ST3GAL1: variants seen among roughly 807,000 people sequenced by gnomAD.
The protein encoded by ST3GAL1 is CMP-N-acetylneuraminate-beta-galactosamide-alpha-2,3-sialyltransferase 1.
A neutral mutation model predicts 34.1 loss-of-function variants in ST3GAL1; 16 were observed. The ratio of observed to expected loss-of-function variants is 0.47; its 90% CI spans 0.32 to 0.71. The LOEUF (loss-of-function observed/expected upper bound fraction) is 0.71, where lower values mean the gene tolerates loss of function less well. Among genes scored for constraint, ST3GAL1 ranks in the 30% least tolerant of loss-of-function variants. ST3GAL1 has a pLI of 0.04. For synonymous variants in ST3GAL1, 191 were observed against 184.7 expected, an observed-to-expected ratio of 1.03 and a Z score of -0.28; for missense variants, 353 against 447.4, an observed-to-expected ratio of 0.79 and a Z score of 1.90.
chr8:133,531,647 A>T (rs903353188), intron 2 of ST3GAL1, among the ~76,000 whole-genome samples: 1 of 151,792 alleles, frequency 6.6e-6, no homozygotes, highest in African/African-American at 2.4e-5. Flanking sequence ...AACAACACAC[A>T]CCAGGGCCAG....
chr8:133,571,271 C>A lies in ST3GAL1; in HGVS notation c.-582+422G>T, dbSNP rs898900149. Among the ~76,000 whole-genome samples, 1 of 152,194 alleles carries A rather than the reference C, an allele frequency of 6.6e-6. No individual in the cohort carries two copies. Among genetic ancestry groups the A allele is most frequent in the East Asian group, 1.9e-4 (1 of 5,164 alleles). On this transcript the variant is annotated intron_variant, in intron 1 of 9. Transcript: ENST00000522652. The surrounding 1 kb of genome is among the most constrained non-coding windows in gnomAD (Gnocchi z 6.7). ...ACCCAGCGAGGTCTCCTCCCACGGG[C>A]GGCCCCAGCGGAGGAGATCCCAGCC...
At chr8:133,474,867 G>A (rs904345710) in intron 5 of ST3GAL1, among the ~76,000 whole-genome samples, 1 of 152,166 alleles carries the variant, frequency 6.6e-6, no homozygotes, top group Non-Finnish European at 1.5e-5. Flanking sequence ...GCACTTCTGT[G>A]TGAGCCTACC....
chr8:133,488,955 G>T (rs1563709531), intron 3 of ST3GAL1, among the ~76,000 whole-genome samples: 1 of 152,334 alleles, frequency 6.6e-6, no homozygotes, highest in East Asian at 1.9e-4. Context: ...AGGCCAGAGG[G>T]AGAGAGGGAA....
At chr8:133,545,055 A>G (rs951359817) in intron 2 of ST3GAL1, among the ~76,000 whole-genome samples, 9 of 152,238 alleles carry the variant, frequency 5.9e-5, no homozygotes, top group African/African-American at 1.9e-4. Context: ...GGGTACCCAT[A>G]AGCAACATGT....
chr8:133,473,902 C>T (rs1337948964), intron 5 of ST3GAL1, among the ~76,000 whole-genome samples: 1 of 152,182 alleles, frequency 6.6e-6, no homozygotes, highest in Non-Finnish European at 1.5e-5. Context: ...TAATCCTTAC[C>T]ATGCCTGGCT....
Position 133,459,912 on chromosome 8 carries a change from T to C in ST3GAL1, c.875A>G (p.Asp292Gly), listed in dbSNP as rs1286175173. 6.2e-7 allele frequency: 1 copy of C among 1,613,328 alleles called. No individual in the cohort carries two copies. Among genetic ancestry groups the C allele is most frequent in the Admixed American group, 1.7e-5 (1 of 59,926 alleles). Residue 292 changes from aspartate (D) to glycine (G), a missense_variant, in exon 10 of 10, where the codon GAC (aspartate) becomes GGC (glycine). Coordinates refer to ENST00000522652, the MANE Select transcript of ST3GAL1 (RefSeq NM_173344.3). This position sits in a 1 kb window ranked among gnomAD's most constrained non-coding sequence, Gnocchi z 4.7. ...GTAGTGGTGCCAGTTCCCTTTGCTG[T>C]CTGCCCCGAAGCCGTACAAGTCCAC... is the stretch of plus-strand genomic sequence containing the variant. ...DEVDLYGFGA[D>G]SKGNWHHYWE...
chr8:133,568,128 G>A (rs1219488099), intron 1 of ST3GAL1, among the ~76,000 whole-genome samples: 1 of 151,978 alleles, frequency 6.6e-6, no homozygotes, highest in Non-Finnish European at 1.5e-5. Flanking sequence ...CACCACATTG[G>A]CCAGCTGGTC....
chr8:133,556,838 T>C lies in ST3GAL1; in HGVS notation c.-581-10912A>G, dbSNP rs1216704403. Among the ~76,000 whole-genome samples, 2 of 152,150 alleles carry C rather than the reference T, an allele frequency of 1.3e-5. No homozygotes were observed. Among genetic ancestry groups the C allele is most frequent in the African/African-American group, 4.8e-5 (2 of 41,422 alleles). ...GTGGAGGGGGGACATTTTGTTCTTTTGGCCTCTTAGATGATAAAACTAAGT... is the reference window on the plus strand; with the variant it reads ...GTGGAGGGGGGACATTTTGTTCTTTCGGCCTCTTAGATGATAAAACTAAGT... On this transcript the variant is annotated intron_variant, in intron 1 of 9. Coordinates refer to ENST00000522652, the MANE Select transcript of ST3GAL1 (RefSeq NM_173344.3). This position sits in a 1 kb window ranked among gnomAD's most constrained non-coding sequence, Gnocchi z 8.9.
At chr8:133,502,426 TA>T (rs57572575) in intron 2 of ST3GAL1, among the ~76,000 whole-genome samples, 88 of 140,580 alleles carry the variant, frequency 6.3e-4, no homozygotes, top group Non-Finnish European at 6.8e-4. Context: ...GATGTCCTTA[TA>T]AAAAAAAAAA....
At position 133,461,563 on chromosome 8, in the gene ST3GAL1, A is replaced by G. The variant is rs996110294; in HGVS notation, c.849+312T>C. Among the ~76,000 whole-genome samples, 7 of 152,128 alleles carry G rather than the reference A, an allele frequency of 4.6e-5. No individual in the cohort carries two copies. Among genetic ancestry groups the G allele is most frequent in the African/African-American group, 1.4e-4 (6 of 41,394 alleles). On this transcript the variant is annotated intron_variant, in intron 9 of 9. Coordinates refer to ENST00000522652, the MANE Select transcript of ST3GAL1 (RefSeq NM_173344.3). This position sits in a 1 kb window ranked among gnomAD's most constrained non-coding sequence, Gnocchi z 4.7. ...GTGGGATTGAGAACTGTGGCCTTAG[A>G]CAACTCTCGCTATGAGAATCCGCTT...
intron 2 of ST3GAL1, among the ~76,000 whole-genome samples, chr8:133,499,855 C>T (rs1215594237): frequency 6.6e-6 from 1 of 152,132 alleles, no homozygotes; most frequent in Non-Finnish European, 1.5e-5. Flanking sequence ...CCACCCCCAT[C>T]CCCAGGGAAG....
intron 2 of ST3GAL1, among the ~76,000 whole-genome samples, chr8:133,536,972 A>C (rs1291165534): frequency 2.0e-5 from 3 of 152,000 alleles, no homozygotes; most frequent in African/African-American, 7.3e-5. Flanking sequence ...CCTCCAATTT[A>C]ATTCTGACAC....
chr8:133,531,289 C>T (rs1818144399), intron 2 of ST3GAL1, among the ~76,000 whole-genome samples: 1 of 151,942 alleles, frequency 6.6e-6, no homozygotes, highest in Non-Finnish European at 1.5e-5. Context: ...AGTATATATA[C>T]ATTATGTATG....
rs1816189546 is a variant in ST3GAL1 at position 133,476,590 on chromosome 8, TTGTC to T, written c.-367_-364del. On this transcript the variant is annotated 5_prime_UTR_variant, in exon 4 of 10. It removes the in-frame stop codon of an upstream open reading frame in the 5' UTR. Coordinates refer to ENST00000522652, the MANE Select transcript of ST3GAL1 (RefSeq NM_173344.3). ...ACCAGCTTGATGAAGGCACAGAAGG[TTGTC>T]TGTCATCTGCAAAGAAAAGGAGGAA... The T allele has an allele frequency of 6.6e-6, 1 of 152,152 alleles. No individual in the cohort carries two copies. Among genetic ancestry groups the T allele is most frequent in the South Asian group, 2.1e-4 (1 of 4,824 alleles). The allele number at this position is 152,152 out of a possible 1,614,324, so 9.4% of individuals were successfully genotyped here.
intron 1 of ST3GAL1, among the ~76,000 whole-genome samples, chr8:133,569,131 T>C (rs1355817212): frequency 1.3e-5 from 2 of 152,178 alleles, no homozygotes; most frequent in Non-Finnish European, 2.9e-5. Flanking sequence ...TGGGGTGCTG[T>C]GGCCTCCCAG....
rs34844235 is a variant in ST3GAL1, at chr8:133,456,965, C to G, written c.*2799G>C. On this transcript the variant is annotated 3_prime_UTR_variant, in exon 10 of 10. Transcript: ENST00000522652. ...CAGTTCACGACTGCCCGTCACTTCC[C>G]TCCTTCACACTGCACCAGGAAAAGG... The G allele has an allele frequency of 0.17, 25,328 of 152,372 alleles. 2,674 individuals are homozygous for G. The highest frequency in any genetic ancestry group is 0.53 in the East Asian group (2,733 of 5,166). 9.4% of individuals were successfully genotyped at this position (152,372 alleles called of 1,614,324 possible). A position where few individuals can be genotyped will look rare whatever the true frequency, so the allele number is the denominator to read the frequency against.
chr8:133,551,536 GAGAAGGAAAGAAAGAA>G (rs1158991525), intron 1 of ST3GAL1, among the ~76,000 whole-genome samples: 6 of 116,064 alleles, frequency 5.2e-5, no homozygotes, highest in Admixed American at 9.4e-5. Flanking sequence ...GAGAAAGAAA[GAGAAGGAAAGAAAGAA>G]AGAAAGAAAG....
intron 2 of ST3GAL1, among the ~76,000 whole-genome samples, chr8:133,513,856 G>A (rs939175965): frequency 4.6e-4 from 70 of 151,442 alleles, no homozygotes; most frequent in Non-Finnish European, 2.9e-5. Flanking sequence ...CTGAGATTAC[G>A]CCATTGCACT....
rs868233481 is a variant in ST3GAL1, at chr8:133,570,104, T to A, written c.-582+1589A>T. 1 of 152,336 alleles carries A rather than the reference T, an allele frequency of 6.6e-6. No homozygotes were observed. Among genetic ancestry groups the A allele is most frequent in the Non-Finnish European group, 1.5e-5 (1 of 68,168 alleles). 9.4% of individuals were successfully genotyped at this position (152,336 alleles called of 1,614,324 possible). A position where few individuals can be genotyped will look rare whatever the true frequency, so the allele number is the denominator to read the frequency against. On this transcript the variant is annotated intron_variant, in intron 1 of 9. Transcript: ENST00000522652. The surrounding 1 kb of genome is among the most constrained non-coding windows in gnomAD (Gnocchi z 5.6). ...CGACTATTGGAAAACCCGGCTCCCCTCTCACCCCGTTTTCCTCGTTGGCGA... is the reference window on the plus strand; with the variant it reads ...CGACTATTGGAAAACCCGGCTCCCCACTCACCCCGTTTTCCTCGTTGGCGA...
Sources: allele counts gnomAD v4.1 joint callset (sites outside exome capture counted in the v4.1 genomes callset), GRCh38; gene constraint gnomAD v4.1.1; non-coding constraint Gnocchi (gnomAD v3.1); transcripts MANE v1.5; gene names NCBI Gene and HGNC (gene_info 2026-07-23, HGNC 2026-07-21).